VWF: variants seen among roughly 807,000 people sequenced by gnomAD.
VWF encodes the protein Factor VIII related antigen.
VWF carries 176 observed loss-of-function variants against 308.6 expected under a neutral mutation model. The ratio of observed to expected loss-of-function variants is 0.57; its 90% CI spans 0.50 to 0.65. VWF has a LOEUF of 0.65. VWF is among the 30% of genes least tolerant of loss of function. The probability of loss-of-function intolerance (pLI) is 0.00; values close to 1 mark genes in which losing one functional copy is unlikely to be tolerated. For synonymous variants in VWF, 1,385 were observed against 1,443.4 expected, an observed-to-expected ratio of 0.96 and a Z score of 0.92; for missense variants, 3,146 against 3,648.2, an observed-to-expected ratio of 0.86 and a Z score of 3.55.
chr12:5,967,600 G>C lies in VWF; in HGVS notation c.7773C>G (p.Pro2591=), dbSNP rs375117638. 6 of 1,613,366 alleles carry C rather than the reference G, an allele frequency of 3.7e-6. No homozygotes were observed. The highest frequency in any genetic ancestry group is 5.1e-6 in the Non-Finnish European group (6 of 1,179,950). Residue 2591 remains proline (P), a splice_region_variant and synonymous_variant, in exon 47 of 52, where the codon CCC becomes CCG. Transcript: ENST00000261405. ...ACMLNGTVIG[P]GKTVMIDVCT... is the part of the protein sequence containing the mutation. ...ACACATCGATCATCACAGTCTTCCC[G>C]GGCTGGAAGCAGAGGCACCAGGGTC...
At chr12:6,110,720 G>A (rs1195083022) in intron 4 of VWF, 138 bp from the exon 5 acceptor site, 2 of 1,283,662 alleles carry the variant, frequency 1.6e-6, no homozygotes, top group Admixed American at 3.4e-5. Flanking sequence ...CAGCAATCGG[G>A]AGAGCTGGCT....
At chr12:6,101,292 T>C (rs193008048) in intron 5 of VWF, among the ~76,000 whole-genome samples, 1 of 152,248 alleles carries the variant, frequency 6.6e-6, no homozygotes, top group African/African-American at 2.4e-5. Flanking sequence ...ACTCCTACCA[T>C]GGCCAGTTTC....
chr12:6,016,934 C>T (rs1944068544), intron 28 of VWF, 64 bp from the exon 29 acceptor site: 33 of 1,532,584 alleles, frequency 2.2e-5, no homozygotes, highest in Non-Finnish European at 3.0e-5. Context: ...ACCAGGCCTA[C>T]AACCTGACAT....
At chr12:6,123,011 G>T in intron 2 of VWF, 131 bp downstream of exon 2, 1 of 1,169,132 alleles carries the variant, frequency 8.6e-7, no homozygotes. Flanking sequence ...ACCTTCACAG[G>T]AGGCAACCAA....
chr12:6,103,557 C>CATATATGT (rs1565391361), intron 5 of VWF, among the ~76,000 whole-genome samples: 2 of 110,662 alleles, frequency 1.8e-5, no homozygotes, highest in African/African-American at 1.9e-4. Context: ...CACACACACA[C>CATATATGT]ACACACACAC....
Position 5,953,689 on chromosome 12 carries a change from T to A in VWF, c.7888-95A>T. 6 of 939,834 alleles carry A rather than the reference T, an allele frequency of 6.4e-6. No homozygotes were observed. In the South Asian group the frequency reaches 6.7e-5, roughly 10 times the overall value. The allele number at this position is 939,834 out of a possible 1,614,324, so 58.2% of individuals were successfully genotyped here. The stretch of plus-strand genomic sequence containing the variant: ...TTTTGCTGGCCTCTCATCTCTCTCA[T>A]CCAGTAGTTTCACCTAGAATTCGGA... On this transcript the variant is annotated intron_variant, in intron 47 of 51. Coordinates refer to ENST00000261405, the MANE Select transcript of VWF (RefSeq NM_000552.5).
rs145476045 is a variant in VWF at position 6,075,419 on chromosome 12, C to T, written c.790G>A (p.Ala264Thr). The T allele has an allele frequency of 2.4e-5, 38 of 1,614,060 alleles. No individual in the cohort carries two copies. In the East Asian group the frequency reaches 2.9e-4, roughly 12 times the overall value. The change falls in exon 7 of 52, where the codon GCC (alanine) becomes ACC (threonine). Residue 264 changes from alanine (A) to threonine (T), a missense_variant. Ala to Thr is a moderately conservative substitution (Grantham distance 58). Around this residue, in one of 3 missense-constraint regions of VWF, gnomAD observed 1,304 missense variants for 1,353.0 expected, o/e 0.96. Coordinates refer to ENST00000261405, the MANE Select transcript of VWF (RefSeq NM_000552.5). The surrounding 1 kb of genome is among the most constrained non-coding windows in gnomAD (Gnocchi z 4.7). ...GCGTACTCCAGGAGGGCAGGGCAGG[C>T]GCACTCCAGCCCCCCAGCACACTCA... ...LCECAGGLECACPALLEYART... is the reference protein window; with the variant it reads ...LCECAGGLECTCPALLEYART...
At chr12:5,995,445 A>G (rs1474220886) in intron 35 of VWF, among the ~76,000 whole-genome samples, 2 of 152,208 alleles carry the variant, frequency 1.3e-5, no homozygotes, top group East Asian at 3.8e-4. Flanking sequence ...TCTAGCTTAC[A>G]AGTTGTTTTC....
intron 38 of VWF, among the ~76,000 whole-genome samples, chr12:5,989,360 T>C (rs1209989633): frequency 6.6e-6 from 1 of 152,202 alleles, no homozygotes; most frequent in Non-Finnish European, 1.5e-5. Flanking sequence ...ATTTTTCAGT[T>C]TAAAAAAAAA....
In VWF at chr12:6,063,365, A is replaced by G. The variant is rs1003038246; in HGVS notation, c.1433-311T>C. On this transcript the variant is annotated intron_variant, in intron 12 of 51. Coordinates refer to ENST00000261405, the MANE Select transcript of VWF (RefSeq NM_000552.5). This position sits in a 1 kb window ranked among gnomAD's most constrained non-coding sequence, Gnocchi z 4.9. ...CCTGGGCTGTAGGCAGGTGCCCTGG[A>G]GCAGAGGGGGATCTCTTTAGCATTG... 7.2e-5 allele frequency among the ~76,000 whole-genome samples: 11 copies of G among 152,090 alleles called. No homozygotes were observed. The highest frequency in any genetic ancestry group is 1.2e-4 in the Non-Finnish European group (8 of 68,012).
At chr12:6,102,301 G>T (rs947536483) in intron 5 of VWF, among the ~76,000 whole-genome samples, 1 of 152,104 alleles carries the variant, frequency 6.6e-6, no homozygotes, top group Admixed American at 6.5e-5. Flanking sequence ...AATTAGCTGC[G>T]CATGGTGATG....
chr12:6,090,359 C>A (rs1232182090), intron 6 of VWF, among the ~76,000 whole-genome samples: 1 of 152,168 alleles, frequency 6.6e-6, no homozygotes, highest in Non-Finnish European at 1.5e-5. Context: ...TGTCACTTAC[C>A]CACTTGGAGG....
In VWF at chr12:6,071,398, C is replaced by T. The variant is rs555111384; in HGVS notation, c.1110-55G>A. ...GTGGTTCTGCAAACACAAGGGTATGCAAATGGATTTAGAGCTCATGGTAGT... is the reference window on the plus strand; with the variant it reads ...GTGGTTCTGCAAACACAAGGGTATGTAAATGGATTTAGAGCTCATGGTAGT... On this transcript the variant is annotated intron_variant, in intron 9 of 51. Coordinates refer to ENST00000261405, the MANE Select transcript of VWF (RefSeq NM_000552.5). 1.9e-6 allele frequency: 3 copies of T among 1,600,224 alleles called. No homozygotes were observed. The South Asian group carries it at 3.3e-5, about 18-fold the overall frequency.
At chr12:6,123,566 A>G (rs918602841) in intron 1 of VWF, among the ~76,000 whole-genome samples, 2 of 152,166 alleles carry the variant, frequency 1.3e-5, no homozygotes, top group Non-Finnish European at 2.9e-5. Flanking sequence ...CTCTGCATCC[A>G]AACTGGCGAG....
At chr12:6,003,061 C>A (rs1037535178) in intron 34 of VWF, among the ~76,000 whole-genome samples, 21 of 151,972 alleles carry the variant, frequency 1.4e-4, no homozygotes, top group African/African-American at 4.8e-4. Flanking sequence ...GACTTTAAAA[C>A]AACTGTCTTA....
At chr12:6,048,146 GTAA>G (rs1944466965) in intron 16 of VWF, among the ~76,000 whole-genome samples, 1 of 152,180 alleles carries the variant, frequency 6.6e-6, no homozygotes, top group Non-Finnish European at 1.5e-5. Flanking sequence ...TTCTCAGACT[GTAA>G]TAATTTTATT....
chr12:5,980,091 A>AAGGAAGGAAGG (rs1943582120), intron 42 of VWF, among the ~76,000 whole-genome samples: 4 of 74,818 alleles, frequency 5.3e-5, no homozygotes, highest in African/African-American at 1.2e-4. Flanking sequence ...GAAAAGAAAG[A>AAGGAAGGAAGG]AAGGAAGGAA....
At chr12:5,985,330 C>A (rs1943667091) in intron 39 of VWF, among the ~76,000 whole-genome samples, 1 of 152,214 alleles carries the variant, frequency 6.6e-6, no homozygotes, top group East Asian at 1.9e-4. Context: ...TAAGTCTGAC[C>A]GTTGCTGGGG....
intron 15 of VWF, among the ~76,000 whole-genome samples, chr12:6,054,857 G>A (rs1392169494): frequency 6.6e-6 from 1 of 152,324 alleles, no homozygotes; most frequent in African/African-American, 2.4e-5. Context: ...AGTGGAAGTG[G>A]GTAGAGGGGA....
Sources: gnomAD v4.1 joint callset for allele counts (sites outside exome capture counted in the v4.1 genomes callset) on GRCh38, gnomAD v4.1.1 for gene constraint, gnomAD v4.1.1 regional missense constraint, Gnocchi (gnomAD v3.1) non-coding constraint, MANE v1.5 for transcripts, NCBI Gene and HGNC (gene_info 2026-07-23, HGNC 2026-07-21) for gene names.